TTC7B: variants seen among roughly 807,000 people sequenced by gnomAD.
The protein encoded by TTC7B is tetratricopeptide repeat domain 7B, also known as tetratricopeptide repeat protein 7B.
TTC7B carries 28 observed loss-of-function variants against 106.8 expected under a neutral mutation model. The observed-to-expected ratio is 0.26, with a 90% CI of 0.19 to 0.36. The LOEUF (loss-of-function observed/expected upper bound fraction) is 0.36. TTC7B is among the 10% of genes least tolerant of loss of function. The pLI is 1.00. For missense variants in TTC7B, 862 were observed against 1,076.4 expected, an observed-to-expected ratio of 0.80 and a Z score of 2.79; for synonymous variants, 405 against 430.6, an observed-to-expected ratio of 0.94 and a Z score of 0.74.
rs1886853507 is a variant in TTC7B, at chr14:90,676,677, T to C, written c.1015-17A>G. 8 of 1,611,732 alleles carry C rather than the reference T, an allele frequency of 5.0e-6. No homozygotes were observed. Among genetic ancestry groups the C allele is most frequent in the Non-Finnish European group, 6.8e-6 (8 of 1,178,994 alleles). On this transcript the variant is annotated splice_polypyrimidine_tract_variant and intron_variant, in intron 8 of 19. Coordinates refer to ENST00000328459, the MANE Select transcript of TTC7B (RefSeq NM_001010854.2). Reference sequence around the variant, plus strand: ...CCGGTTGGCCTGAAAAAACATGGAATAGAGAAGCAGATGGAGAGAGAACCT... The same window carrying C: ...CCGGTTGGCCTGAAAAAACATGGAACAGAGAAGCAGATGGAGAGAGAACCT...
chr14:90,799,988 A>T (rs2030152338), intron 1 of TTC7B, among the ~76,000 whole-genome samples: 1 of 151,918 alleles, frequency 6.6e-6, no homozygotes, highest in African/African-American at 2.4e-5. Flanking sequence ...GCCCGCCACC[A>T]CGCCCAGCTA....
At chr14:90,643,017 T>C (rs1326970371) in intron 15 of TTC7B, among the ~76,000 whole-genome samples, 7 of 152,174 alleles carry the variant, frequency 4.6e-5, no homozygotes, top group Admixed American at 2.0e-4. Context: ...TTACTTAATA[T>C]TTACTTAATA....
chr14:90,786,041 G>T, intron 2 of TTC7B, 133 bp downstream of exon 2: 4 of 1,084,660 alleles, frequency 3.7e-6, no homozygotes, highest in South Asian at 2.5e-5. Flanking sequence ...CTGGGAGCTG[G>T]CCCGCTTCTA....
chr14:90,726,303 C>T (rs1396696564), intron 5 of TTC7B, among the ~76,000 whole-genome samples: 1 of 152,182 alleles, frequency 6.6e-6, no homozygotes, highest in South Asian at 2.1e-4. Flanking sequence ...ACCAGTCAGT[C>T]CCACCTATTT....
rs368355533 is a variant in TTC7B at position 90,780,804 on chromosome 14, C to T, written c.379G>A (p.Asp127Asn). The change falls in exon 3 of 20, where the codon GAT becomes AAT. Residue 127 changes from aspartate (D) to asparagine (N), a missense_variant. Transcript: ENST00000328459. ...GGCGGGACAGCTGTCAGTGGCAGAT[C>T]GTCCAGGCCCACCCGGGCGTAAATG... is the stretch of plus-strand genomic sequence containing the variant. Reference protein sequence around the residue: ...LNIYARVGLDDLPLTAVPPYR... With the variant: ...LNIYARVGLDNLPLTAVPPYR... 2.4e-5 allele frequency: 38 copies of T among 1,614,150 alleles called. No individual in the cohort carries two copies. The highest frequency in any genetic ancestry group is 5.3e-5 in the African/African-American group (4 of 74,958).
intron 1 of TTC7B, among the ~76,000 whole-genome samples, chr14:90,801,522 A>G (rs1286328): frequency 0.71 from 107,963 of 152,024 alleles, 39,117 homozygotes; most frequent in Middle Eastern, 0.8. Context: ...AGATAGCACA[A>G]TGGAGCGGAG....
chr14:90,732,674 G>T (rs776730614), intron 4 of TTC7B, among the ~76,000 whole-genome samples: 25 of 151,938 alleles, frequency 1.6e-4, no homozygotes, highest in Non-Finnish European at 2.9e-4. Context: ...CACTGCGCCT[G>T]GCTCCTGAAA....
chr14:90,683,442 A>G (rs1887133510), intron 7 of TTC7B, among the ~76,000 whole-genome samples: 2 of 152,188 alleles, frequency 1.3e-5, no homozygotes, highest in Non-Finnish European at 2.9e-5. Flanking sequence ...CACTGTCTGC[A>G]AACATGCCAA....
chr14:90,655,930 C>T (rs1885929439), intron 11 of TTC7B, among the ~76,000 whole-genome samples: 1 of 151,902 alleles, frequency 6.6e-6, no homozygotes, highest in Non-Finnish European at 1.5e-5. Context: ...TAAATAAAGC[C>T]AGAGCTGGGA....
At chr14:90,549,513 A>G (rs922663930) in intron 19 of TTC7B, among the ~76,000 whole-genome samples, 15 of 152,180 alleles carry the variant, frequency 9.9e-5, no homozygotes, top group Non-Finnish European at 1.9e-4. Flanking sequence ...TGTGCTGGCC[A>G]CAGATGGCAC....
chr14:90,559,725 C>T (rs1053591822), intron 19 of TTC7B, among the ~76,000 whole-genome samples: 2 of 152,238 alleles, frequency 1.3e-5, no homozygotes, highest in Non-Finnish European at 2.9e-5. Flanking sequence ...AGACTAACAG[C>T]TGCCGGGTAC....
chr14:90,614,738 C>T (rs1054585746), intron 16 of TTC7B, among the ~76,000 whole-genome samples: 1 of 152,210 alleles, frequency 6.6e-6, no homozygotes, highest in Admixed American at 6.5e-5. Flanking sequence ...TCTTGCAAGG[C>T]TAATGTAGGG....
chr14:90,554,830 G>A (rs1370683672), intron 19 of TTC7B, among the ~76,000 whole-genome samples: 1 of 152,220 alleles, frequency 6.6e-6, no homozygotes, highest in Non-Finnish European at 1.5e-5. Context: ...CTGAAGAGAA[G>A]GAGCTGAAAC....
At chr14:90,625,239 G>A (rs936362241) in intron 15 of TTC7B, among the ~76,000 whole-genome samples, 1 of 152,200 alleles carries the variant, frequency 6.6e-6, no homozygotes, top group African/African-American at 2.4e-5. Flanking sequence ...ACCGGGAGAA[G>A]GCAGATGGGA....
chr14:90,555,951 C>T lies in TTC7B; in HGVS notation c.2311-14362G>A, dbSNP rs1890281293. ...GTCAGGGGAGGGTGATGGGGAATCCCGGTGCCCCGGGGTCCACATGAGCTC... is the reference window on the plus strand; with the variant it reads ...GTCAGGGGAGGGTGATGGGGAATCCTGGTGCCCCGGGGTCCACATGAGCTC... On this transcript the variant is annotated intron_variant, in intron 19 of 19. Coordinates refer to ENST00000328459, the MANE Select transcript of TTC7B (RefSeq NM_001010854.2). Among the ~76,000 whole-genome samples, 2 of 152,230 alleles carry T rather than the reference C, an allele frequency of 1.3e-5. 1 individual carries two copies. The highest frequency in any genetic ancestry group is 4.1e-4 in the South Asian group (2 of 4,834).
chr14:90,733,738 C>A (rs947471500), intron 4 of TTC7B, among the ~76,000 whole-genome samples: 17 of 152,156 alleles, frequency 1.1e-4, no homozygotes, highest in African/African-American at 1.9e-4. Flanking sequence ...AGTCAAAAGA[C>A]CGAGGCGCGA....
At chr14:90,750,586 C>T (rs565306395) in intron 3 of TTC7B, among the ~76,000 whole-genome samples, 1 of 152,332 alleles carries the variant, frequency 6.6e-6, no homozygotes, top group African/African-American at 2.4e-5. Context: ...AAACCAGCTA[C>T]ACAACTTAAT....
Position 90,530,920 on chromosome 14 carries a change from C to T in TTC7B, c.*10448G>A, listed in dbSNP as rs982117437. 6.6e-6 allele frequency: 1 copy of T among 152,138 alleles called. No homozygotes were observed. Among genetic ancestry groups the T allele is most frequent in the Non-Finnish European group, 1.5e-5 (1 of 68,048 alleles). The allele number at this position is 152,138 out of a possible 1,614,324, so 9.4% of individuals were successfully genotyped here. ...TCACAAATCACCACTAAAGAACTTA[C>T]TCATGTAACCACTGTGTTCCCCAAT... On this transcript the variant is annotated 3_prime_UTR_variant, in exon 20 of 20. Transcript: ENST00000328459.
At chr14:90,574,820 G>A (rs1243623980) in intron 19 of TTC7B, among the ~76,000 whole-genome samples, 1 of 152,132 alleles carries the variant, frequency 6.6e-6, no homozygotes, top group African/African-American at 2.4e-5. Flanking sequence ...CTGGCTCCTT[G>A]CCTTCCTCTC....
Sources: allele counts gnomAD v4.1 joint callset (sites outside exome capture counted in the v4.1 genomes callset), GRCh38; gene constraint gnomAD v4.1.1; transcripts MANE v1.5; gene names NCBI Gene and HGNC (gene_info 2026-07-23, HGNC 2026-07-21).